Variants in DNAJC3 observed in about 807,000 individuals in gnomAD.
The protein encoded by DNAJC3 is DnaJ heat shock protein family (Hsp40) member C3.
Under a neutral mutation model 68.6 loss-of-function variants are expected in DNAJC3, and 38 were observed. The observed-to-expected ratio is 0.55, with a 90% CI of 0.43 to 0.73. The LOEUF is 0.73. DNAJC3 is among the 30% of genes least tolerant of loss of function. The pLI, the probability that DNAJC3 is intolerant of heterozygous loss-of-function variation, is 0.00. For synonymous variants in DNAJC3, 203 were observed against 204.0 expected (o/e 1.00, Z 0.04); for missense variants, 526 against 591.9 (o/e 0.89, Z 1.16).
intron 9 of DNAJC3, among the ~76,000 whole-genome samples, chr13:95,768,333 A>G (rs1883065195): frequency 6.6e-6 from 1 of 152,106 alleles, no homozygotes; most frequent in Non-Finnish European, 1.5e-5. Flanking sequence ...CACTGTACTC[A>G]TTTTCAGGTT....
intron 9 of DNAJC3, among the ~76,000 whole-genome samples, chr13:95,771,802 C>T (rs531317351): frequency 3.9e-5 from 6 of 152,026 alleles, no homozygotes; most frequent in African/African-American, 4.8e-5. Flanking sequence ...CCCACCCCCC[C>T]ACAGGCAACT....
At chr13:95,694,795 G>A (rs1880385102) in intron 1 of DNAJC3, 2 of 152,532 alleles carry the variant, frequency 1.3e-5, no homozygotes, top group African/African-American at 4.8e-5. Context: ...GTAAACTACG[G>A]CAGAATAGTC....
intron 2 of DNAJC3, among the ~76,000 whole-genome samples, chr13:95,714,274 G>A (rs1032218546): frequency 2.0e-5 from 3 of 152,104 alleles, no homozygotes; most frequent in African/African-American, 2.4e-5. Flanking sequence ...TTTGAAAATA[G>A]TATATAATCA....
In DNAJC3 at chr13:95,731,336, T is replaced by C. The variant is rs186386399; in HGVS notation, c.393+6084T>C. On this transcript the variant is annotated intron_variant, in intron 4 of 11. Coordinates refer to ENST00000602402, the MANE Select transcript of DNAJC3 (RefSeq NM_006260.5). ...CCTAGGAATCCCAGTACTGACTGCA[T>C]TGAGTAGGAGTGGTGAAGGTGAGCA... Among the ~76,000 whole-genome samples the C allele has an allele frequency of 5.3e-3, 810 of 152,298 alleles. 6 individuals are homozygous for C. Among genetic ancestry groups the C allele is most frequent in the Non-Finnish European group, 9.5e-3 (643 of 68,012 alleles).
intron 9 of DNAJC3, among the ~76,000 whole-genome samples, chr13:95,765,750 C>CTTTT (rs1882976508): frequency 6.6e-6 from 1 of 151,430 alleles, no homozygotes; most frequent in Non-Finnish European, 1.5e-5. Flanking sequence ...TTTTGTACTT[C>CTTTT]TAGTAGTGAT....
chr13:95,786,119 T>C (rs1338569455), intron 10 of DNAJC3, 48 bp downstream of exon 10: 1 of 1,516,700 alleles, frequency 6.6e-7, no homozygotes. Context: ...ATCAACTCTG[T>C]TTCAAAGCTA....
intron 1 of DNAJC3, among the ~76,000 whole-genome samples, chr13:95,704,783 G>A (rs966723592): frequency 6.6e-6 from 1 of 151,524 alleles, no homozygotes; most frequent in Non-Finnish European, 1.5e-5. Flanking sequence ...TGGCAGATCA[G>A]ATGCTCTGCA....
At chr13:95,705,518 C>G (rs538211106) in intron 1 of DNAJC3, among the ~76,000 whole-genome samples, 1 of 149,932 alleles carries the variant, frequency 6.7e-6, no homozygotes, top group South Asian at 2.1e-4. Context: ...CTCTCTCTCT[C>G]TCTTTTTTTT....
chr13:95,778,485 A>C (rs1594025220), intron 9 of DNAJC3, among the ~76,000 whole-genome samples: 1 of 152,256 alleles, frequency 6.6e-6, no homozygotes, highest in Non-Finnish European at 1.5e-5. Flanking sequence ...GAATACAAAA[A>C]AAATGGAATA....
intron 9 of DNAJC3, among the ~76,000 whole-genome samples, chr13:95,785,025 C>G (rs1883557328): frequency 6.6e-6 from 1 of 152,098 alleles, no homozygotes; most frequent in East Asian, 1.9e-4. Flanking sequence ...TATACTGGGA[C>G]TATATGTATT....
intron 9 of DNAJC3, among the ~76,000 whole-genome samples, chr13:95,764,683 T>TATATATATACAC (rs36030034): frequency 7.9e-5 from 7 of 88,272 alleles, no homozygotes; most frequent in Admixed American, 1.4e-4. Flanking sequence ...TATATATATA[T>TATATATATACAC]ACACACACAC....
At chr13:95,777,505 C>T (rs1479918239) in intron 9 of DNAJC3, among the ~76,000 whole-genome samples, 26 of 152,166 alleles carry the variant, frequency 1.7e-4, no homozygotes, top group Non-Finnish European at 1.2e-4. Context: ...TTTCCTTTGC[C>T]TTGTCATCAT....
At chr13:95,692,543 C>A (rs1880301440) in intron 1 of DNAJC3, 2 of 152,042 alleles carry the variant, frequency 1.3e-5, no homozygotes, top group South Asian at 2.1e-4. Flanking sequence ...AACCCCAGGG[C>A]CCAACCCCAA....
At chr13:95,722,162 T>G (rs942393308) in intron 2 of DNAJC3, among the ~76,000 whole-genome samples, 1 of 152,206 alleles carries the variant, frequency 6.6e-6, no homozygotes, top group South Asian at 2.1e-4. Context: ...ACTTCGTAGG[T>G]GCTGATAAGC....
intron 2 of DNAJC3, among the ~76,000 whole-genome samples, chr13:95,712,445 C>G (rs1407468978): frequency 6.7e-6 from 1 of 149,028 alleles, no homozygotes; most frequent in Non-Finnish European, 1.5e-5. Flanking sequence ...AGTGCAATCT[C>G]AGCTTACTGC....
At chr13:95,686,799 A>G (rs1880084477) in intron 1 of DNAJC3, among the ~76,000 whole-genome samples, 1 of 152,210 alleles carries the variant, frequency 6.6e-6, no homozygotes. Context: ...TATAATTTGA[A>G]GTCAAGTAAT....
intron 4 of DNAJC3, among the ~76,000 whole-genome samples, chr13:95,729,123 A>G (rs1486986222): frequency 2.0e-5 from 3 of 152,028 alleles, no homozygotes; most frequent in Non-Finnish European, 4.4e-5. Context: ...GTGGCTGCAT[A>G]TGAACATGAT....
intron 4 of DNAJC3, among the ~76,000 whole-genome samples, chr13:95,741,267 A>G (rs1882133598): frequency 6.6e-6 from 1 of 152,014 alleles, no homozygotes; most frequent in Non-Finnish European, 1.5e-5. Context: ...TGGGTAGAGC[A>G]CTTTGGCTTT....
At chr13:95,778,892 A>G (rs953052964) in intron 9 of DNAJC3, among the ~76,000 whole-genome samples, 2 of 152,248 alleles carry the variant, frequency 1.3e-5, no homozygotes, top group South Asian at 2.1e-4. Context: ...ATGTATTATA[A>G]TTTTGTATGC....
Sources: gnomAD v4.1 joint callset for allele counts (sites outside exome capture counted in the v4.1 genomes callset) on GRCh38, gnomAD v4.1.1 for gene constraint, MANE v1.5 for transcripts, NCBI Gene and HGNC (gene_info 2026-07-23, HGNC 2026-07-21) for gene names.